The following TRAF3 variants were observed in gnomAD, a reference collection of about 807,000 sequenced individuals.
TRAF3 encodes the protein TNF receptor associated factor 3.
TRAF3 carries 13 observed loss-of-function variants against 62.3 expected under a neutral mutation model. The observed-to-expected ratio is 0.21, with a 90% confidence interval of 0.14 to 0.33. The LOEUF (loss-of-function observed/expected upper bound fraction) is 0.33. TRAF3 is among the 10% of genes least tolerant of loss of function. TRAF3 has a pLI of 1.00. For missense variants in TRAF3, 440 were observed against 741.8 expected (o/e 0.59, Z 4.73); for synonymous variants, 269 against 283.4 (o/e 0.95, Z 0.51).
chr14:102,899,051 C>T (rs1186760582), intron 10 of TRAF3, among the ~76,000 whole-genome samples: 2 of 152,048 alleles, frequency 1.3e-5, no homozygotes, highest in Non-Finnish European at 2.9e-5. Context: ...AGCAGGCTGC[C>T]CGCGCCTGAT....
At chr14:102,811,872 C>T (rs1394632351) in intron 1 of TRAF3, among the ~76,000 whole-genome samples, 2 of 138,448 alleles carry the variant, frequency 1.4e-5, no homozygotes, top group Admixed American at 1.5e-4. Flanking sequence ...CTCAGCCTCC[C>T]GAGTAGCTAG....
intron 6 of TRAF3, among the ~76,000 whole-genome samples, chr14:102,881,336 AT>A (rs1291247489): frequency 3.3e-5 from 5 of 151,402 alleles, no homozygotes; most frequent in Non-Finnish European, 1.5e-5. Flanking sequence ...GTGAGCCAAG[AT>A]TGTGCCACTG....
chr14:102,800,514 C>T (rs1317867913), intron 1 of TRAF3, among the ~76,000 whole-genome samples: 1 of 152,172 alleles, frequency 6.6e-6, no homozygotes, highest in Non-Finnish European at 1.5e-5. Context: ...ATGGTGCAGG[C>T]CCCAGTTCCT....
intron 1 of TRAF3, among the ~76,000 whole-genome samples, chr14:102,814,778 C>T (rs1899417714): frequency 6.6e-6 from 1 of 152,172 alleles, no homozygotes; most frequent in Non-Finnish European, 1.5e-5. Context: ...CCACCTCAGC[C>T]TCCCAAAGTG....
intron 1 of TRAF3, among the ~76,000 whole-genome samples, chr14:102,828,307 A>G (rs1900447709): frequency 6.6e-6 from 1 of 152,228 alleles, no homozygotes; most frequent in Non-Finnish European, 1.5e-5. Flanking sequence ...CCTTGTTAAT[A>G]TGGAAACAAC....
chr14:102,892,508 A>G (rs867197825), intron 9 of TRAF3, among the ~76,000 whole-genome samples: 3 of 152,232 alleles, frequency 2.0e-5, no homozygotes, highest in Non-Finnish European at 4.4e-5. Context: ...ACCTCTAAGA[A>G]TGGATAGAGA....
Position 102,886,146 on chromosome 14 carries a change from C to T in TRAF3, c.571-43C>T, listed in dbSNP as rs747788011. The stretch of plus-strand genomic sequence containing the variant: ...GGATCTCAGCGGGACTGAAGGAAGA[C>T]AGGTTGTGTGTTTAAAGTTGATAGT... On this transcript the variant is annotated intron_variant, in intron 6 of 11. Transcript: ENST00000392745. 6.9e-6 allele frequency: 11 copies of T among 1,602,426 alleles called. No individual in the cohort carries two copies. The South Asian group carries it at 9.9e-5, about 14-fold the overall frequency.
At chr14:102,841,304 C>T (rs1886360040) in intron 2 of TRAF3, among the ~76,000 whole-genome samples, 1 of 152,334 alleles carries the variant, frequency 6.6e-6, no homozygotes, top group Admixed American at 6.5e-5. Context: ...TGGCTGCATC[C>T]TGGTCTGCAC....
intron 5 of TRAF3, 105 bp from the exon 6 acceptor site, chr14:102,876,253 A>T (rs1414833274): frequency 6.2e-6 from 8 of 1,280,570 alleles, no homozygotes; most frequent in Non-Finnish European, 8.9e-6. Flanking sequence ...CTAACAGCAG[A>T]TGAGAAACAT....
In TRAF3 at chr14:102,903,058, C is replaced by A. The variant is rs1019849741; in HGVS notation, c.961-197C>A. 8 of 719,848 alleles carry A rather than the reference C, an allele frequency of 1.1e-5. No homozygotes were observed. In the African/African-American group the frequency reaches 1.4e-4, roughly 13 times the overall value. The allele number at this position is 719,848 out of a possible 1,614,324, so 44.6% of individuals were successfully genotyped here. ...TGTCACCTCGAGTGCTCCCTGCCGG[C>A]ACAAGCACTTGATCCCAGGGAGCTC... On this transcript the variant is annotated intron_variant, in intron 10 of 11. Coordinates refer to ENST00000392745, the MANE Select transcript of TRAF3 (RefSeq NM_145725.3). This position sits in a 1 kb window ranked among gnomAD's most constrained non-coding sequence, Gnocchi z 6.4.
chr14:102,827,664 T>C (rs1379270699), intron 1 of TRAF3, among the ~76,000 whole-genome samples: 1 of 152,236 alleles, frequency 6.6e-6, no homozygotes, highest in Non-Finnish European at 1.5e-5. Flanking sequence ...ATATTCTTTT[T>C]ATATACAGCA....
intron 6 of TRAF3, 126 bp from the exon 7 acceptor site, chr14:102,886,063 A>T: frequency 1.3e-6 from 1 of 766,130 alleles, no homozygotes; most frequent in Non-Finnish European, 2.3e-6. Flanking sequence ...ACGTAATGTG[A>T]GTGCCATAAC....
chr14:102,828,693 A>G (rs1218834228), intron 1 of TRAF3, among the ~76,000 whole-genome samples: 2 of 152,204 alleles, frequency 1.3e-5, no homozygotes. Flanking sequence ...CCTCTTTTGA[A>G]CCTAAGAAAT....
chr14:102,903,017 C>A lies in TRAF3; in HGVS notation c.961-238C>A. The A allele has an allele frequency of 1.7e-6, 1 of 591,070 alleles. No individual in the cohort carries two copies. Among genetic ancestry groups the A allele is most frequent in the Non-Finnish European group, 3.0e-6 (1 of 328,958 alleles). 36.6% of individuals were successfully genotyped at this position (591,070 alleles called of 1,614,324 possible). Reference sequence around the variant, plus strand: ...ACTTAGTGGAGCCTCCTGTTGTTTTCTTCCATGTGGCTTCATGTCACCTCG... The same window carrying A: ...ACTTAGTGGAGCCTCCTGTTGTTTTATTCCATGTGGCTTCATGTCACCTCG... On this transcript the variant is annotated intron_variant, in intron 10 of 11. Coordinates refer to ENST00000392745, the MANE Select transcript of TRAF3 (RefSeq NM_145725.3). The surrounding 1 kb of genome is among the most constrained non-coding windows in gnomAD (Gnocchi z 6.4).
intron 7 of TRAF3, among the ~76,000 whole-genome samples, chr14:102,886,680 G>A (rs552190059): frequency 3.3e-5 from 5 of 151,518 alleles, no homozygotes; most frequent in Non-Finnish European, 5.9e-5. Flanking sequence ...CATTTGAACC[G>A]GGGAGGCGGA....
intron 10 of TRAF3, among the ~76,000 whole-genome samples, chr14:102,900,216 C>T (rs866449760): frequency 3.8e-5 from 5 of 132,226 alleles, no homozygotes; most frequent in South Asian, 2.4e-4. Flanking sequence ...CAGCCTAGGC[C>T]GGTAGGCCGG....
intron 2 of TRAF3, among the ~76,000 whole-genome samples, chr14:102,864,151 T>A (rs552046384): frequency 6.7e-6 from 1 of 149,342 alleles, no homozygotes; most frequent in Non-Finnish European, 1.5e-5. Context: ...CTTTTTCTTT[T>A]TTTTTTTTTT....
At chr14:102,884,790 C>T (rs1371634068) in intron 6 of TRAF3, among the ~76,000 whole-genome samples, 1 of 150,550 alleles carries the variant, frequency 6.6e-6, no homozygotes, top group East Asian at 1.9e-4. Flanking sequence ...TCAACTTGGG[C>T]GACAGAGTGA....
intron 1 of TRAF3, among the ~76,000 whole-genome samples, chr14:102,822,118 A>G (rs1028173392): frequency 4.6e-5 from 7 of 152,196 alleles, no homozygotes; most frequent in African/African-American, 1.7e-4. Flanking sequence ...TATGTGTTTT[A>G]ATTGTTTAAA....
Sources: gnomAD v4.1 joint callset for allele counts (sites outside exome capture counted in the v4.1 genomes callset) on GRCh38, gnomAD v4.1.1 for gene constraint, Gnocchi (gnomAD v3.1) non-coding constraint, MANE v1.5 for transcripts, NCBI Gene and HGNC (gene_info 2026-07-23, HGNC 2026-07-21) for gene names.